Variants in WDFY4 observed in about 807,000 individuals in gnomAD.
WDFY4 encodes WD repeat- and FYVE domain-containing protein 4.
WDFY4 carries 169 observed loss-of-function variants against 351.9 expected under a neutral mutation model. The ratio of observed to expected loss-of-function variants is 0.48; its 90% CI spans 0.42 to 0.55. The LOEUF (loss-of-function observed/expected upper bound fraction) is 0.55, where lower values mean the gene tolerates loss of function less well. WDFY4 is among the 20% of genes least tolerant of loss of function. WDFY4 has a pLI of 0.00. For missense variants in WDFY4, 3,803 were observed against 3,935.6 expected (o/e 0.97, Z 0.90); for synonymous variants, 1,622 against 1,574.6 (o/e 1.03, Z -0.71).
chr10:48,825,756 C>T lies in WDFY4; in HGVS notation c.5983-915C>T, dbSNP rs534772977. On this transcript the variant is annotated intron_variant, in intron 35 of 61. Transcript: ENST00000325239. ...TATTTGTTGGCCACCTGAATGTCTT[C>T]TTTGGAGAAATGTCTGTTCATGTCC... is the stretch of plus-strand genomic sequence containing the variant. Among the ~76,000 whole-genome samples, 12 of 152,122 alleles carry T rather than the reference C, an allele frequency of 7.9e-5. No homozygotes were observed. In the South Asian group the frequency reaches 2.5e-3, roughly 32 times the overall value.
intron 43 of WDFY4, among the ~76,000 whole-genome samples, chr10:48,887,600 A>C (rs373199784): frequency 2.0e-5 from 3 of 152,078 alleles, no homozygotes; most frequent in African/African-American, 7.2e-5. Context: ...AACACGGTGA[A>C]ACCCCATCTT....
chr10:48,740,467 G>A lies in WDFY4; in HGVS notation c.1879-2501G>A, dbSNP rs183134691. ...ACCCTGGGGCCTCCAGGATGGGGCAGGGACAGGCAGCTGCTGTGACTCTGT... is the reference window on the plus strand; with the variant it reads ...ACCCTGGGGCCTCCAGGATGGGGCAAGGACAGGCAGCTGCTGTGACTCTGT... On this transcript the variant is annotated intron_variant, in intron 11 of 61. Coordinates refer to ENST00000325239, the MANE Select transcript of WDFY4 (RefSeq NM_001394531.1). 2.0e-3 allele frequency among the ~76,000 whole-genome samples: 299 copies of A among 152,356 alleles called. 1 individual carries two copies. Among genetic ancestry groups the A allele is most frequent in the African/African-American group, 7.0e-3 (291 of 41,586 alleles).
intron 1 of WDFY4, among the ~76,000 whole-genome samples, chr10:48,689,177 G>A (rs545568174): frequency 3.2e-4 from 49 of 152,256 alleles, no homozygotes; most frequent in Non-Finnish European, 6.8e-4. Context: ...GCTGCTACCC[G>A]TTTTATTTAC....
chr10:48,806,010 G>C lies in WDFY4; in HGVS notation c.4653G>C (p.Gly1551=). ...TCTCTCCCTGTGTATAAAGGATTGG[G>C]CTGTTTGTTGTGTACACCCTCAAGC... is the stretch of plus-strand genomic sequence containing the variant. ...HFSTQDLLRI[G]LFVVYTLKPS... is the part of the protein sequence containing the mutation. Residue 1551 remains glycine (G), a synonymous_variant, in exon 27 of 62, where the codon GGG becomes GGC. Coordinates refer to ENST00000325239, the MANE Select transcript of WDFY4 (RefSeq NM_001394531.1). 1 of 1,551,706 alleles carries C rather than the reference G, an allele frequency of 6.4e-7. No individual in the cohort carries two copies. Among genetic ancestry groups the C allele is most frequent in the Non-Finnish European group, 8.7e-7 (1 of 1,146,990 alleles).
chr10:48,737,533 T>C (rs2064712146), intron 11 of WDFY4, among the ~76,000 whole-genome samples: 1 of 152,202 alleles, frequency 6.6e-6, no homozygotes, highest in Admixed American at 6.5e-5. Flanking sequence ...GCTGTTCCAG[T>C]TATTATGTGG....
chr10:48,733,736 T>C (rs2064548312), intron 9 of WDFY4, among the ~76,000 whole-genome samples, 195 bp from the exon 10 acceptor site: 1 of 152,198 alleles, frequency 6.6e-6, no homozygotes, highest in African/African-American at 2.4e-5. Context: ...CTGCAGGGAA[T>C]GCTGATGTGC....
chr10:48,805,167 C>G (rs1429208999), intron 25 of WDFY4, 93 bp from the exon 26 acceptor site: 7 of 1,419,462 alleles, frequency 4.9e-6, no homozygotes, highest in Non-Finnish European at 6.6e-6. Flanking sequence ...GGCCATGGAA[C>G]AAGCCTGGCT....
intron 47 of WDFY4, among the ~76,000 whole-genome samples, chr10:48,928,396 G>GTA (rs1329841561): frequency 6.7e-6 from 1 of 149,264 alleles, no homozygotes; most frequent in Non-Finnish European, 1.5e-5. Context: ...GTGTGTGTGT[G>GTA]TTGGTGGGGG....
chr10:48,843,739 T>C (rs2068682907), intron 39 of WDFY4, among the ~76,000 whole-genome samples: 1 of 152,220 alleles, frequency 6.6e-6, no homozygotes. Context: ...TTAGATATAT[T>C]GGACTTCCCA....
At chr10:48,699,221 C>A (rs1462571336) in intron 1 of WDFY4, among the ~76,000 whole-genome samples, 1 of 152,124 alleles carries the variant, frequency 6.6e-6, no homozygotes, top group Admixed American at 6.5e-5. Context: ...GAGGGTGGGG[C>A]CTGGCCATAG....
At chr10:48,900,529 C>A (rs1032722651) in intron 46 of WDFY4, among the ~76,000 whole-genome samples, 1 of 152,184 alleles carries the variant, frequency 6.6e-6, no homozygotes, top group African/African-American at 2.4e-5. Context: ...AGGAAGCAGG[C>A]TCCATTTTCC....
intron 39 of WDFY4, among the ~76,000 whole-genome samples, chr10:48,834,746 G>A (rs932910762): frequency 1.3e-5 from 2 of 152,220 alleles, no homozygotes; most frequent in African/African-American, 2.4e-5. Flanking sequence ...CTGGGCATGG[G>A]CATTCATCTC....
At position 48,982,835 on chromosome 10, in the gene WDFY4, C is replaced by A; in HGVS notation, c.*260C>A. On this transcript the variant is annotated 3_prime_UTR_variant, in exon 62 of 62. Coordinates refer to ENST00000325239, the MANE Select transcript of WDFY4 (RefSeq NM_001394531.1). ...TGTGACTTGGTGATGCCCAGCTGCACACGAAATTACACATGACTCACCTTA... is the reference window on the plus strand; with the variant it reads ...TGTGACTTGGTGATGCCCAGCTGCAAACGAAATTACACATGACTCACCTTA... The A allele has an allele frequency of 1.8e-6, 1 of 540,708 alleles. No homozygotes were observed. The allele number at this position is 540,708 out of a possible 1,614,324, so 33.5% of individuals were successfully genotyped here. A position where few individuals can be genotyped will look rare whatever the true frequency, so the allele number is the denominator to read the frequency against.
Position 48,982,490 on chromosome 10 carries a change from T to C in WDFY4, c.9489-19T>C. 6.7e-7 allele frequency: 1 copy of C among 1,493,298 alleles called. No individual in the cohort carries two copies. Among genetic ancestry groups the C allele is most frequent in the Non-Finnish European group, 9.0e-7 (1 of 1,116,710 alleles). 92.5% of individuals were successfully genotyped at this position (1,493,298 alleles called of 1,614,324 possible). ...GTACTGTCCCTCTAACGTTCTTGTCTTTTCTTTCTCTTCCCAAGAAACCAC... is the reference window on the plus strand; with the variant it reads ...GTACTGTCCCTCTAACGTTCTTGTCCTTTCTTTCTCTTCCCAAGAAACCAC... On this transcript the variant is annotated intron_variant, in intron 61 of 61. Transcript: ENST00000325239.
At chr10:48,978,250 C>T (rs1182705366) in intron 59 of WDFY4, 59 bp from the exon 60 acceptor site, 1 of 1,526,276 alleles carries the variant, frequency 6.6e-7, no homozygotes, top group Non-Finnish European at 8.8e-7. Flanking sequence ...GACTAGGCCA[C>T]TCCAAGCTTG....
At chr10:48,829,989 G>A (rs1352219100) in intron 37 of WDFY4, among the ~76,000 whole-genome samples, 1 of 152,220 alleles carries the variant, frequency 6.6e-6, no homozygotes, top group Non-Finnish European at 1.5e-5. Context: ...GACTTGGCCA[G>A]TAGAGCTGGG....
chr10:48,775,912 C>T, intron 15 of WDFY4, 106 bp downstream of exon 15: 6 of 1,088,660 alleles, frequency 5.5e-6, no homozygotes, highest in Non-Finnish European at 6.8e-6. Flanking sequence ...CAGGTTTAAA[C>T]ATGGTTTTGT....
rs1423375404 is a variant in WDFY4, at chr10:48,800,707, TTTCTTTCTTTCTTTCA to T, written c.4411-2568_4411-2553del. On this transcript the variant is annotated intron_variant, in intron 24 of 61. Transcript: ENST00000325239. The stretch of plus-strand genomic sequence containing the variant: ...CTTTCTTTCTTTCTTTCTTTCTTTC[TTTCTTTCTTTCTTTCA>T]TTCTTTCTTTTTTTTTTTTTTTGTT... 2.9e-3 allele frequency among the ~76,000 whole-genome samples: 406 copies of T among 139,450 alleles called. 4 individuals carry two copies. Among genetic ancestry groups the T allele is most frequent in the African/African-American group, 9.9e-3 (345 of 34,960 alleles). 91.5% of individuals were successfully genotyped at this position (139,450 alleles called of 152,430 possible).
intron 54 of WDFY4, among the ~76,000 whole-genome samples, chr10:48,964,649 C>T (rs1171910592): frequency 1.3e-5 from 2 of 152,226 alleles, no homozygotes; most frequent in Non-Finnish European, 2.9e-5. Flanking sequence ...ACCTGCCAGG[C>T]CTCTGGTGAA....
Sources: gnomAD v4.1 joint callset for allele counts (sites outside exome capture counted in the v4.1 genomes callset) on GRCh38, gnomAD v4.1.1 for gene constraint, MANE v1.5 for transcripts, NCBI Gene and HGNC (gene_info 2026-07-23, HGNC 2026-07-21) for gene names.